The following PDE10A variants were observed in gnomAD, a reference collection of about 807,000 sequenced individuals.
PDE10A encodes the protein cAMP and cAMP-inhibited cGMP 3',5'-cyclic phosphodiesterase 10A.
A neutral mutation model predicts 97.7 loss-of-function variants in PDE10A; 39 were observed. The ratio of observed to expected loss-of-function variants is 0.40; its 90% CI spans 0.31 to 0.52. PDE10A has a LOEUF of 0.52. PDE10A is among the 20% of genes least tolerant of loss of function. PDE10A has a pLI of 0.56. For missense variants in PDE10A, 731 were observed against 1,047.8 expected (o/e 0.70, Z 4.17); for synonymous variants, 371 against 376.8 (o/e 0.98, Z 0.18).
chr6:165,649,445 G>A (rs562625152), intron 1 of PDE10A, among the ~76,000 whole-genome samples: 6 of 152,076 alleles, frequency 3.9e-5, no homozygotes, highest in South Asian at 2.1e-4. Flanking sequence ...AAACCAGGGC[G>A]GAGGGCAAAC....
intron 3 of PDE10A, among the ~76,000 whole-genome samples, chr6:165,469,019 C>G (rs546618947): frequency 1.3e-5 from 2 of 152,140 alleles, no homozygotes; most frequent in African/African-American, 4.8e-5. Context: ...TAAGGTCTTG[C>G]GAAAGAGGAA....
chr6:165,963,672 G>A (rs548480139), intron 1 of PDE10A, among the ~76,000 whole-genome samples: 44 of 152,332 alleles, frequency 2.9e-4, no homozygotes, highest in African/African-American at 1.0e-3. Flanking sequence ...GAAGGCAGCA[G>A]CATGGGGGCG....
At chr6:165,345,081 C>T (rs765729480) in intron 18 of PDE10A, among the ~76,000 whole-genome samples, 10 of 151,930 alleles carry the variant, frequency 6.6e-5, no homozygotes, top group Non-Finnish European at 1.2e-4. Flanking sequence ...TGAAAAACTA[C>T]CATTTACAAA....
At chr6:165,852,832 TC>T (rs1780608912) in intron 1 of PDE10A, among the ~76,000 whole-genome samples, 1 of 152,240 alleles carries the variant, frequency 6.6e-6, no homozygotes, top group South Asian at 2.1e-4. Context: ...CCATCCTAGC[TC>T]GTGGCTCATT....
At chr6:165,812,546 A>C (rs905033831) in intron 1 of PDE10A, among the ~76,000 whole-genome samples, 13 of 152,306 alleles carry the variant, frequency 8.5e-5, no homozygotes, top group Non-Finnish European at 1.8e-4. Flanking sequence ...CCAATCAATC[A>C]ATGGAGCTAT....
At chr6:165,650,513 T>C (rs1789629312) in intron 1 of PDE10A, among the ~76,000 whole-genome samples, 1 of 152,236 alleles carries the variant, frequency 6.6e-6, no homozygotes, top group Admixed American at 6.5e-5. Flanking sequence ...TGTGTGTGTA[T>C]GTTGTTTACA....
chr6:165,544,108 A>G (rs996219740), intron 1 of PDE10A, among the ~76,000 whole-genome samples: 2 of 152,216 alleles, frequency 1.3e-5, no homozygotes, highest in Non-Finnish European at 2.9e-5. Context: ...TAGCAAGAGT[A>G]GTAAACAGGA....
intron 1 of PDE10A, among the ~76,000 whole-genome samples, chr6:165,592,889 G>A (rs1283387654): frequency 6.6e-6 from 1 of 152,184 alleles, no homozygotes; most frequent in Non-Finnish European, 1.5e-5. Flanking sequence ...AAGTCAGTGT[G>A]GCAATTCCTC....
In PDE10A at chr6:165,807,141, C is replaced by A. The variant is rs114672068; in HGVS notation, c.-615+180388G>T. 4.0e-3 allele frequency among the ~76,000 whole-genome samples: 613 copies of A among 152,154 alleles called. 3 individuals are homozygous for A. Among genetic ancestry groups the A allele is most frequent in the African/African-American group, 0.014 (584 of 41,416 alleles). On this transcript the variant is annotated intron_variant, in intron 1 of 19. Transcript: ENST00000366882. ...GAGATGGAGAGCTGAGTGGACATTC[C>A]TTCAGTGGACTACTAATTTTTTAAC...
chr6:165,825,514 A>C (rs1779714292), intron 1 of PDE10A, among the ~76,000 whole-genome samples: 1 of 152,134 alleles, frequency 6.6e-6, no homozygotes, highest in Non-Finnish European at 1.5e-5. Flanking sequence ...CCTAATGCTG[A>C]GTGTCCTCCA....
chr6:165,960,174 A>T (rs1435007072), intron 1 of PDE10A, among the ~76,000 whole-genome samples: 1 of 152,242 alleles, frequency 6.6e-6, no homozygotes, highest in Non-Finnish European at 1.5e-5. Flanking sequence ...AGGTAAAATC[A>T]ATGAGAATCA....
At chr6:165,738,444 G>T (rs1792636953) in intron 1 of PDE10A, among the ~76,000 whole-genome samples, 1 of 150,716 alleles carries the variant, frequency 6.6e-6, no homozygotes. Flanking sequence ...CCAAGTCTTT[G>T]CTATTGTGAA....
At chr6:165,384,861 A>C (rs1444487473) in intron 17 of PDE10A, among the ~76,000 whole-genome samples, 3 of 152,136 alleles carry the variant, frequency 2.0e-5, no homozygotes, top group African/African-American at 7.2e-5. Context: ...TGCAACACAC[A>C]CCTGTGAAGA....
At chr6:165,578,862 C>T (rs2128352623) in intron 1 of PDE10A, among the ~76,000 whole-genome samples, 1 of 152,274 alleles carries the variant, frequency 6.6e-6, no homozygotes, top group East Asian at 1.9e-4. Flanking sequence ...AACAGCTACA[C>T]ATCAGTGGGA....
At chr6:165,453,259 AG>A (rs1341544834) in intron 3 of PDE10A, among the ~76,000 whole-genome samples, 3 of 152,252 alleles carry the variant, frequency 2.0e-5, no homozygotes, top group Admixed American at 6.5e-5. Flanking sequence ...TGTAATTAAA[AG>A]GGAAGCAGAA....
intron 1 of PDE10A, among the ~76,000 whole-genome samples, chr6:165,567,263 A>G (rs1224732297): frequency 3.3e-5 from 5 of 152,210 alleles, no homozygotes; most frequent in African/African-American, 7.2e-5. Context: ...AAGAAGTCAG[A>G]AAAGTGTTAC....
At chr6:165,957,948 G>A (rs898084484) in intron 1 of PDE10A, among the ~76,000 whole-genome samples, 28 of 152,220 alleles carry the variant, frequency 1.8e-4, no homozygotes, top group African/African-American at 6.8e-4. Flanking sequence ...TCTCAGGGCT[G>A]GAGAGCAAGC....
intron 13 of PDE10A, among the ~76,000 whole-genome samples, chr6:165,404,993 A>G (rs1476531951): frequency 6.6e-6 from 1 of 152,168 alleles, no homozygotes; most frequent in African/African-American, 2.4e-5. Context: ...TGTCTATGGC[A>G]CCATAGAGAG....
rs772091396 is a variant in PDE10A, at chr6:165,379,299, C to T, written c.2678G>A (p.Arg893His). ...SEYEQVLEII[R>H]KAIIATDLAL... Reference sequence around the variant, plus strand: ...AAGGTCTGTGGCAATGATGGCTTTGCGGATGATCTCAAGCACCTGCTCATA... The same window carrying T: ...AAGGTCTGTGGCAATGATGGCTTTGTGGATGATCTCAAGCACCTGCTCATA... The change falls in exon 18 of 22, where the codon CGC becomes CAC. Residue 893 changes from arginine (R) to histidine (H), a missense_variant. Physicochemically the swap from Arg to His is conservative, Grantham distance 29. Around this residue, in one of 8 missense-constraint regions of PDE10A, gnomAD observed 25 missense variants for 83.7 expected, o/e 0.30. Transcript: ENST00000539869. 1.4e-5 allele frequency: 22 copies of T among 1,613,346 alleles called. No homozygotes were observed. Among genetic ancestry groups the T allele is most frequent in the Non-Finnish European group, 1.9e-5 (22 of 1,179,474 alleles).
Sources: gnomAD v4.1 joint callset for allele counts (sites outside exome capture counted in the v4.1 genomes callset) on GRCh38, gnomAD v4.1.1 for gene constraint, gnomAD v4.1.1 regional missense constraint, MANE v1.5 for transcripts, NCBI Gene and HGNC (gene_info 2026-07-23, HGNC 2026-07-21) for gene names.